Variants in LOXL2 observed in about 807,000 individuals in gnomAD.
LOXL2 encodes lysyl oxidase like 2.
A neutral mutation model predicts 93.0 loss-of-function variants in LOXL2; 70 were observed. The observed-to-expected ratio is 0.75, with a 90% CI of 0.62 to 0.92. The LOEUF (loss-of-function observed/expected upper bound fraction) is 0.92, where lower values mean the gene tolerates loss of function less well. LOXL2 is among the 40% of genes least tolerant of loss of function. The probability of loss-of-function intolerance (pLI) is 0.00; values close to 1 mark genes in which losing one functional copy is unlikely to be tolerated. For synonymous variants in LOXL2, 438 were observed against 413.2 expected (o/e 1.06, Z -0.73); for missense variants, 973 against 1,054.9 (o/e 0.92, Z 1.08).
At chr8:23,373,606 T>C (rs1355827264) in intron 1 of LOXL2, among the ~76,000 whole-genome samples, 1 of 152,236 alleles carries the variant, frequency 6.6e-6, no homozygotes, top group Non-Finnish European at 1.5e-5. Context: ...GGCAAGCAGC[T>C]AACATTAATA....
rs368612761 is a variant in LOXL2, at chr8:23,298,101, G to A, written c.2267C>T (p.Thr756Met). The A allele has an allele frequency of 3.2e-5, 52 of 1,613,474 alleles. No individual in the cohort carries two copies. The highest frequency in any genetic ancestry group is 6.7e-5 in the African/African-American group (5 of 74,908). ...GCTGAAGTGCTCAAACTTTTTTTCC[G>A]TCTCTTCGCTGAAGGAACCACCTGA... Reference protein sequence around the residue: ...CHIGGSFSEETEKKFEHFSGL... With the variant: ...CHIGGSFSEEMEKKFEHFSGL... The change falls in exon 14 of 14, where the codon ACG (threonine) becomes ATG (methionine). Residue 756 changes from threonine to methionine, a missense_variant. Transcript: ENST00000389131.
chr8:23,398,826 T>C (rs9657278), intron 1 of LOXL2, among the ~76,000 whole-genome samples: 13,942 of 152,118 alleles, frequency 0.092, 837 homozygotes, highest in African/African-American at 0.16. Context: ...TTTTTTTTTT[T>C]TGGTAGAGAC....
chr8:23,363,858 G>A (rs2117208717), intron 2 of LOXL2: 1 of 152,296 alleles, frequency 6.6e-6, no homozygotes, highest in South Asian at 2.1e-4. Flanking sequence ...ATACTCGTTT[G>A]GCCTGATTTC....
intron 6 of LOXL2, 34 bp from the exon 7 acceptor site, chr8:23,322,315 C>T (rs1803510420): frequency 1.3e-6 from 2 of 1,596,222 alleles, no homozygotes; most frequent in Non-Finnish European, 1.7e-6. Flanking sequence ...TCTATGAAAG[C>T]TTTGGAAGGA....
Position 23,309,678 on chromosome 8 carries a change from C to G in LOXL2, c.1870G>C (p.Asp624His), listed in dbSNP as rs139544501. Residue 624 changes from aspartate (D) to histidine (H), a missense_variant, in exon 10 of 14, where the codon GAC becomes CAC. Transcript: ENST00000389131. ...KNGRHAWIWH[D>H]CHRHYHSMEV... is the part of the protein sequence containing the mutation. ...GCCAGCCAGGCCTACCTGTGACAGT[C>G]GTGCCAGATCCACGCGTGGCGGCCG... 4.8e-6 allele frequency: 7 copies of G among 1,471,580 alleles called. No homozygotes were observed. Among genetic ancestry groups the G allele is most frequent in the Non-Finnish European group, 5.4e-6 (6 of 1,103,574 alleles). The allele number at this position is 1,471,580 out of a possible 1,614,324, so 91.2% of individuals were successfully genotyped here.
In LOXL2 at chr8:23,323,711, G is replaced by GGA. The variant is rs1563190236; in HGVS notation, c.1151-1431_1151-1430insTC. 3.1e-3 allele frequency among the ~76,000 whole-genome samples: 455 copies of GGA among 148,750 alleles called. 5 individuals are homozygous for GGA. The highest frequency in any genetic ancestry group is 9.4e-3 in the African/African-American group (376 of 40,090). On this transcript the variant is annotated intron_variant, in intron 6 of 13. Transcript: ENST00000389131. ...CAGATCGGGATTTTTTTTTTGGGGG[G>GGA]GTGGGGGTGGGACGAACTCTTGCTC...
chr8:23,381,218 A>G lies in LOXL2; in HGVS notation c.-83-12784T>C, dbSNP rs189812882. ...ATTATGCTTTATGGAACATTCTTTCATAAGATTTTTATAACATAGTATTCA... is the reference window on the plus strand; with the variant it reads ...ATTATGCTTTATGGAACATTCTTTCGTAAGATTTTTATAACATAGTATTCA... On this transcript the variant is annotated intron_variant, in intron 1 of 13. Coordinates refer to ENST00000389131, the MANE Select transcript of LOXL2 (RefSeq NM_002318.3). 2.6e-3 allele frequency among the ~76,000 whole-genome samples: 394 copies of G among 152,034 alleles called. 2 individuals are homozygous for G. Among genetic ancestry groups the G allele is most frequent in the East Asian group, 0.019 (99 of 5,148 alleles).
Position 23,298,817 on chromosome 8 carries a change from G to T in LOXL2, c.2245+19C>A, listed in dbSNP as rs1200910680. ...GCAGCTCCCGCCTGCTTCCTGGAGT[G>T]GGGGCGGCCTGGCCTTACCTATGTG... On this transcript the variant is annotated intron_variant, in intron 13 of 13. Coordinates refer to ENST00000389131, the MANE Select transcript of LOXL2 (RefSeq NM_002318.3). 7.2e-6 allele frequency: 11 copies of T among 1,524,288 alleles called. No individual in the cohort carries two copies. The highest frequency in any genetic ancestry group is 2.3e-5 in the East Asian group (1 of 44,234). The allele number at this position is 1,524,288 out of a possible 1,614,324, so 94.4% of individuals were successfully genotyped here.
chr8:23,366,148 T>C (rs1182741370), intron 2 of LOXL2: 1 of 152,224 alleles, frequency 6.6e-6, no homozygotes, highest in Middle Eastern at 3.2e-3. Flanking sequence ...AAAGCATTTG[T>C]TATAAAATAA....
rs780251031 is a variant in LOXL2, at chr8:23,394,307, C to T, written c.-84+9647G>A. On this transcript the variant is annotated intron_variant, in intron 1 of 13. Coordinates refer to ENST00000389131, the MANE Select transcript of LOXL2 (RefSeq NM_002318.3). Reference sequence around the variant, plus strand: ...ACTCGGGAGGCTGAGGCAGGAGAATCGCTTGAACTCGGGAGGTGGAGGTTG... The same window carrying T: ...ACTCGGGAGGCTGAGGCAGGAGAATTGCTTGAACTCGGGAGGTGGAGGTTG... 1.4e-4 allele frequency among the ~76,000 whole-genome samples: 21 copies of T among 149,640 alleles called. 1 individual carries two copies. The highest frequency in any genetic ancestry group is 2.0e-4 in the African/African-American group (8 of 40,678).
intron 9 of LOXL2, among the ~76,000 whole-genome samples, chr8:23,311,064 C>A (rs1803313003): frequency 6.6e-6 from 1 of 152,128 alleles, no homozygotes; most frequent in Non-Finnish European, 1.5e-5. Flanking sequence ...GACTGCTTTG[C>A]AGAATTGCTT....
chr8:23,396,647 AACTG>A lies in LOXL2; in HGVS notation c.-84+7303_-84+7306del, dbSNP rs554575370. ...ATCTCATAACTAATCTGTGATTATA[AACTG>A]ACTCTTTCAAATCACAGATTATTAA... On this transcript the variant is annotated intron_variant, in intron 1 of 13. Transcript: ENST00000389131. Among the ~76,000 whole-genome samples the A allele has an allele frequency of 3.6e-3, 542 of 152,346 alleles. 3 individuals are homozygous for A. The highest frequency in any genetic ancestry group is 0.012 in the African/African-American group (500 of 41,586).
chr8:23,378,617 T>A (rs1297656964), intron 1 of LOXL2, among the ~76,000 whole-genome samples: 2 of 152,220 alleles, frequency 1.3e-5, no homozygotes, highest in Non-Finnish European at 2.9e-5. Flanking sequence ...AGTCCCATAT[T>A]TCTTGGAGGC....
At chr8:23,316,887 A>G in intron 9 of LOXL2, 62 bp downstream of exon 9, 1 of 1,432,516 alleles carries the variant, frequency 7.0e-7, no homozygotes, top group Non-Finnish European at 9.3e-7. Context: ...CTCTTGAGGA[A>G]TAACTGGTGG....
chr8:23,305,519 C>T (rs1803216097), intron 10 of LOXL2, among the ~76,000 whole-genome samples: 1 of 151,612 alleles, frequency 6.6e-6, no homozygotes, highest in African/African-American at 2.4e-5. Flanking sequence ...ACCCCCCGCC[C>T]ACCAGCACTA....
chr8:23,312,155 C>CA, intron 9 of LOXL2, among the ~76,000 whole-genome samples: 1 of 152,144 alleles, frequency 6.6e-6, no homozygotes, highest in African/African-American at 2.4e-5. Flanking sequence ...TGGCAATAAT[C>CA]AATAGCTTAC....
intron 6 of LOXL2, 142 bp from the exon 7 acceptor site, chr8:23,322,423 C>T (rs1012042981): frequency 3.1e-6 from 2 of 646,440 alleles, no homozygotes; most frequent in South Asian, 2.0e-5. Flanking sequence ...CTCAATGACC[C>T]AAGCCTCTTC....
At chr8:23,313,595 T>C (rs895644429) in intron 9 of LOXL2, among the ~76,000 whole-genome samples, 16 of 152,164 alleles carry the variant, frequency 1.1e-4, no homozygotes, top group African/African-American at 3.6e-4. Flanking sequence ...GCTAGCCATA[T>C]GTAGAAAGCT....
At chr8:23,308,063 C>T (rs759836313) in intron 10 of LOXL2, among the ~76,000 whole-genome samples, 3 of 151,972 alleles carry the variant, frequency 2.0e-5, no homozygotes, top group Admixed American at 6.6e-5. Context: ...GGGATTCCTG[C>T]TCTCTGCAAC....
Sources: allele counts gnomAD v4.1 joint callset (sites outside exome capture counted in the v4.1 genomes callset), GRCh38; gene constraint gnomAD v4.1.1; transcripts MANE v1.5; gene names NCBI Gene and HGNC (gene_info 2026-07-23, HGNC 2026-07-21).